Variants in GPC3 observed in about 807,000 individuals in gnomAD.
GPC3 encodes glypican 3, also known as glypican-3.
In GPC3, 3 loss-of-function variants were observed where a neutral mutation model predicts 34.4. The observed-to-expected ratio is 0.09, with a 90% CI of 0.04 to 0.23. The LOEUF (loss-of-function observed/expected upper bound fraction) is 0.23. Ranked by LOEUF, GPC3 falls within the 10% of genes least tolerant of loss-of-function variation. The pLI is 1.00. For synonymous variants in GPC3, 177 were observed against 174.0 expected (o/e 1.02, Z -0.13); for missense variants, 351 against 445.6 (o/e 0.79, Z 1.91).
At chrX:133,963,904 C>T (rs1023742467) in intron 1 of GPC3, among the ~76,000 whole-genome samples, 1 of 111,411 alleles carries the variant, frequency 9.0e-6, no homozygotes, top group Non-Finnish European at 1.9e-5. Context: ...ATCTCCCTGT[C>T]TCTTGAGGCA....
chrX:133,629,470 A>T (rs192777867), intron 6 of GPC3, among the ~76,000 whole-genome samples: 187 of 110,987 alleles, frequency 1.7e-3, no homozygotes, highest in African/African-American at 5.3e-3. Flanking sequence ...ATCTCAGCTC[A>T]CCACAACCTC....
intron 7 of GPC3, among the ~76,000 whole-genome samples, chrX:133,557,162 C>T (rs2069497192): frequency 9.2e-6 from 1 of 109,212 alleles, no homozygotes; most frequent in Non-Finnish European, 1.9e-5. Flanking sequence ...GGCATGGTGG[C>T]GGGCGCCTGT....
rs2070719018 is a variant in GPC3 at position 133,661,573 on chromosome X, TCTC to T, written c.1413+154_1413+156del. ...GAAGCTGGCTATATCTCTCTTTCTC[TCTC>T]TCTCTCTCTCTCTCTCTCTCTCTCT... On this transcript the variant is annotated intron_variant, in intron 6 of 7. Coordinates refer to ENST00000370818, the MANE Select transcript of GPC3 (RefSeq NM_004484.4). Among the ~76,000 whole-genome samples the T allele has an allele frequency of 4.5e-3, 23 of 5,150 alleles. 1 individual carries two copies. Among genetic ancestry groups the T allele is most frequent in the African/African-American group, 0.014 (22 of 1,530 alleles). The allele number at this position is 5,150 out of a possible 115,157, so 4.5% of individuals were successfully genotyped here.
intron 2 of GPC3, among the ~76,000 whole-genome samples, chrX:133,818,086 T>C (rs1682985833): frequency 1.8e-5 from 2 of 111,628 alleles, no homozygotes; most frequent in African/African-American, 3.3e-5. Context: ...GGATTTACAA[T>C]ATATAAATGA....
intron 2 of GPC3, among the ~76,000 whole-genome samples, chrX:133,838,414 A>G (rs1046876125): frequency 8.9e-6 from 1 of 112,396 alleles, no homozygotes; most frequent in Non-Finnish European, 1.9e-5. Flanking sequence ...AACAGATGTG[A>G]TGTGAACCTC....
Position 133,927,439 on chromosome X carries a change from T to C in GPC3, c.337+25611A>G, listed in dbSNP as rs781740101. On this transcript the variant is annotated intron_variant, in intron 2 of 7. Coordinates refer to ENST00000370818, the MANE Select transcript of GPC3 (RefSeq NM_004484.4). ...TCTTTACAGTGTATGCAGCTGACAATATAAATAAGATAGAGTGAGGGATAA... is the reference window on the plus strand; with the variant it reads ...TCTTTACAGTGTATGCAGCTGACAACATAAATAAGATAGAGTGAGGGATAA... Among the ~76,000 whole-genome samples the C allele has an allele frequency of 1.6e-4, 18 of 110,281 alleles. No homozygotes were observed. In the East Asian group the frequency reaches 5.2e-3, roughly 32 times the overall value.
chrX:133,613,726 T>C (rs1256418213), intron 6 of GPC3, among the ~76,000 whole-genome samples: 3 of 111,762 alleles, frequency 2.7e-5, no homozygotes, highest in Non-Finnish European at 3.8e-5. Context: ...AAAATATGGC[T>C]CATACACAGG....
At chrX:133,798,738 T>C (rs1035915235) in intron 2 of GPC3, among the ~76,000 whole-genome samples, 1 of 112,362 alleles carries the variant, frequency 8.9e-6, no homozygotes, top group Admixed American at 9.4e-5. Flanking sequence ...CTTTGCCTGC[T>C]ATCTTCTTTT....
chrX:133,831,619 A>G (rs1209694535), intron 2 of GPC3, among the ~76,000 whole-genome samples: 6 of 112,086 alleles, frequency 5.4e-5, no homozygotes, highest in Non-Finnish European at 1.1e-4. Flanking sequence ...AATCCCAGCT[A>G]CTCGGGAGGC....
chrX:133,933,667 A>C (rs1176791034), intron 2 of GPC3, among the ~76,000 whole-genome samples: 1 of 108,897 alleles, frequency 9.2e-6, no homozygotes, highest in Non-Finnish European at 1.9e-5. Context: ...AGATCTGATC[A>C]TTTAAAAGTG....
At chrX:133,804,834 G>C (rs772338489) in intron 2 of GPC3, among the ~76,000 whole-genome samples, 1 of 110,655 alleles carries the variant, frequency 9.0e-6, no homozygotes, top group Non-Finnish European at 1.9e-5. Context: ...GGTGGTGATG[G>C]AGGTTAAAAA....
At chrX:133,888,118 C>A (rs561653822) in intron 2 of GPC3, among the ~76,000 whole-genome samples, 2 of 110,055 alleles carry the variant, frequency 1.8e-5, no homozygotes, top group Admixed American at 1.9e-4. Context: ...GTTCCCCTCC[C>A]TGTGTCCATG....
intron 2 of GPC3, among the ~76,000 whole-genome samples, chrX:133,819,572 C>A (rs751421374): frequency 9.0e-6 from 1 of 110,793 alleles, no homozygotes; most frequent in Non-Finnish European, 1.9e-5. Context: ...TACTAAGCAT[C>A]TATATTTCTA....
intron 2 of GPC3, among the ~76,000 whole-genome samples, chrX:133,775,049 C>T (rs895651377): frequency 9.0e-6 from 1 of 111,724 alleles, no homozygotes; most frequent in Non-Finnish European, 1.9e-5. Flanking sequence ...AGTCAGGCTA[C>T]TGTCTGGCCT....
At chrX:133,863,987 C>T (rs1037466866) in intron 2 of GPC3, among the ~76,000 whole-genome samples, 14 of 111,618 alleles carry the variant, frequency 1.3e-4, no homozygotes, top group African/African-American at 4.6e-4. Flanking sequence ...ACACACTACG[C>T]CTTTTTGATT....
chrX:133,693,986 C>G (rs925141428), intron 4 of GPC3, among the ~76,000 whole-genome samples: 1 of 110,678 alleles, frequency 9.0e-6, no homozygotes, highest in Non-Finnish European at 1.9e-5. Flanking sequence ...GCTCAGTTCC[C>G]TTTCCTTTTC....
intron 6 of GPC3, among the ~76,000 whole-genome samples, chrX:133,615,584 T>C (rs2070152799): frequency 1.8e-5 from 2 of 108,850 alleles, no homozygotes; most frequent in Non-Finnish European, 3.8e-5. Flanking sequence ...GAGGGGAACA[T>C]CACACACTGG....
chrX:133,546,093 A>G (rs1161787166), intron 7 of GPC3, among the ~76,000 whole-genome samples: 5 of 111,808 alleles, frequency 4.5e-5, no homozygotes, highest in Non-Finnish European at 9.4e-5. Context: ...TCCACAAGGT[A>G]GTCATTTCTC....
intron 3 of GPC3, among the ~76,000 whole-genome samples, chrX:133,718,929 G>A (rs1291559836): frequency 9.0e-6 from 1 of 111,475 alleles, no homozygotes; most frequent in East Asian, 2.8e-4. Context: ...ATGTACATGA[G>A]CCCAAAATAT....
Sources: gnomAD v4.1 joint callset for allele counts (sites outside exome capture counted in the v4.1 genomes callset) on GRCh38, gnomAD v4.1.1 for gene constraint, MANE v1.5 for transcripts, NCBI Gene and HGNC (gene_info 2026-07-23, HGNC 2026-07-21) for gene names.